Variants in LVRN observed in about 807,000 individuals in gnomAD.
The protein encoded by LVRN is laeverin, also known as aminopeptidase Q.
LVRN carries 99 observed loss-of-function variants against 111.4 expected under a neutral mutation model. That is an observed-to-expected ratio of 0.89 (90% CI 0.76 to 1.05). LVRN has a LOEUF of 1.05. Among genes scored for constraint, LVRN ranks in the 50% least tolerant of loss-of-function variants. The pLI, the probability that LVRN is intolerant of heterozygous loss-of-function variation, is 0.00. For missense variants in LVRN, 1,414 were observed against 1,206.8 expected (o/e 1.17, Z -2.54); for synonymous variants, 488 against 449.5 (o/e 1.09, Z -1.08).
chr5:115,988,801 A>G (rs1204184444), intron 4 of LVRN, among the ~76,000 whole-genome samples: 1 of 152,134 alleles, frequency 6.6e-6, no homozygotes, highest in Non-Finnish European at 1.5e-5. Context: ...AACACCTATC[A>G]CTCAGGGAGT....
chr5:115,989,830 G>A (rs1382727789), intron 4 of LVRN, among the ~76,000 whole-genome samples: 1 of 152,152 alleles, frequency 6.6e-6, no homozygotes, highest in African/African-American at 2.4e-5. Flanking sequence ...TTAAGATAAA[G>A]AGTTCCTCTA....
At chr5:116,007,790 G>A (rs1748408467) in intron 13 of LVRN, among the ~76,000 whole-genome samples, 2 of 152,160 alleles carry the variant, frequency 1.3e-5, no homozygotes, top group South Asian at 4.1e-4. Context: ...AGCAGCATGT[G>A]CTCATGTTAT....
chr5:115,996,391 T>G (rs1324363442), intron 6 of LVRN, among the ~76,000 whole-genome samples: 1 of 152,240 alleles, frequency 6.6e-6, no homozygotes, highest in African/African-American at 2.4e-5. Flanking sequence ...ATTAGTTTCT[T>G]AGCCACTCTT....
intron 6 of LVRN, among the ~76,000 whole-genome samples, chr5:115,996,408 AC>A (rs1748113697): frequency 6.6e-6 from 1 of 152,082 alleles, no homozygotes; most frequent in Non-Finnish European, 1.5e-5. Context: ...TCTTTTCTAT[AC>A]CTCTTAGTTG....
intron 18 of LVRN, among the ~76,000 whole-genome samples, chr5:116,018,250 C>T (rs1490638635): frequency 6.6e-6 from 1 of 152,130 alleles, no homozygotes; most frequent in Non-Finnish European, 1.5e-5. Flanking sequence ...GAATTAAACC[C>T]GTATCCCCTG....
intron 12 of LVRN, among the ~76,000 whole-genome samples, chr5:116,005,159 C>T (rs906726789): frequency 4.5e-4 from 68 of 152,240 alleles, no homozygotes; most frequent in African/African-American, 1.5e-3. Flanking sequence ...TTAGTACTGC[C>T]AGAAAAGAAA....
At chr5:115,968,034 G>A (rs73259338) in intron 1 of LVRN, among the ~76,000 whole-genome samples, 9,477 of 152,034 alleles carry the variant, frequency 0.062, 842 homozygotes, top group African/African-American at 0.2. Flanking sequence ...GTCAACAAAC[G>A]GAGACAGTTT....
At chr5:116,009,634 C>A (rs1373157716) in intron 13 of LVRN, among the ~76,000 whole-genome samples, 2 of 152,062 alleles carry the variant, frequency 1.3e-5, no homozygotes, top group African/African-American at 4.8e-5. Flanking sequence ...TCATTGGTGA[C>A]TTTAAGGGGT....
chr5:116,024,787 T>C (rs1201906174), intron 19 of LVRN, among the ~76,000 whole-genome samples: 1 of 152,140 alleles, frequency 6.6e-6, no homozygotes, highest in Non-Finnish European at 1.5e-5. Flanking sequence ...TATTGCAATT[T>C]AAAAAAATAT....
chr5:115,984,788 T>C, intron 3 of LVRN, 79 bp downstream of exon 3: 1 of 1,549,284 alleles, frequency 6.5e-7, no homozygotes, highest in Non-Finnish European at 8.8e-7. Context: ...CATCCAGTGG[T>C]TATGGCTGCA....
intron 17 of LVRN, 93 bp from the exon 18 acceptor site, chr5:116,015,530 TCACTA>T: frequency 6.7e-7 from 1 of 1,487,178 alleles, no homozygotes; most frequent in Non-Finnish European, 9.0e-7. Flanking sequence ...TATTTGTGCT[TCACTA>T]CCTTAGAACC....
chr5:115,997,711 T>C (rs537950754), intron 6 of LVRN, among the ~76,000 whole-genome samples: 12 of 152,306 alleles, frequency 7.9e-5, no homozygotes, highest in African/African-American at 2.6e-4. Flanking sequence ...ATATTGCAGC[T>C]TGTGGGACAA....
At chr5:115,995,114 T>C (rs946095255) in intron 6 of LVRN, among the ~76,000 whole-genome samples, 1 of 152,232 alleles carries the variant, frequency 6.6e-6, no homozygotes, top group Non-Finnish European at 1.5e-5. Flanking sequence ...CTGGATCTTC[T>C]TTACAGGCTA....
intron 1 of LVRN, among the ~76,000 whole-genome samples, chr5:115,979,465 C>T (rs1278653483): frequency 6.6e-6 from 1 of 152,074 alleles, no homozygotes; most frequent in Non-Finnish European, 1.5e-5. Context: ...CAAGAGATAG[C>T]TTCTCCAATC....
In LVRN at chr5:115,962,696, C is replaced by T. The variant is rs1753105284; in HGVS notation, c.79C>T (p.Leu27=). 6.2e-7 allele frequency: 1 copy of T among 1,611,094 alleles called. No individual in the cohort carries two copies. The highest frequency in any genetic ancestry group is 8.5e-7 in the Non-Finnish European group (1 of 1,179,538). The change falls in exon 1 of 20, where the codon CTG becomes TTG. Residue 27 remains leucine, a synonymous_variant. Transcript: ENST00000357872. ...GCTGGCTGGGCTGGTAGCCGCCCTC[C>T]TGCTGGCGCTGGCCGTACTCGCCGC... ...LLLAGLVAAL[L]LALAVLAALY...
Position 116,000,676 on chromosome 5 carries a change from T to G in LVRN, c.1647+18T>G. 1 of 1,611,786 alleles carries G rather than the reference T, an allele frequency of 6.2e-7. No individual in the cohort carries two copies. The highest frequency in any genetic ancestry group is 8.5e-7 in the Non-Finnish European group (1 of 1,178,288). On this transcript the variant is annotated intron_variant, in intron 9 of 19. Coordinates refer to ENST00000357872, the MANE Select transcript of LVRN (RefSeq NM_173800.5). ...TTCAAATGGTAATTGTCCTACTTTC[T>G]GACACATTCTTGCTGAGTTGTTTTG...
In LVRN at chr5:116,003,378, A is replaced by G; in HGVS notation, c.2035A>G (p.Lys679Glu). The change falls in exon 12 of 20, where the codon AAG (lysine) becomes GAG (glutamate). Residue 679 changes from lysine (K) to glutamate (E), a missense_variant and splice_region_variant. By Grantham distance (56) the Lys-to-Glu change is moderately conservative (BLOSUM62 1). Transcript: ENST00000357872. ...KLNQQLEKDP[K>E]AIPVIHRLQL... Reference sequence around the variant, plus strand: ...AAATCAACAACTTGAAAAGGATCCTAAGGTAAGGTTACTTTTGATACTTTT... The same window carrying G: ...AAATCAACAACTTGAAAAGGATCCTGAGGTAAGGTTACTTTTGATACTTTT... 1 of 1,436,940 alleles carries G rather than the reference A, an allele frequency of 7.0e-7. No individual in the cohort carries two copies. 89.0% of individuals were successfully genotyped at this position (1,436,940 alleles called of 1,614,324 possible).
Position 116,003,374 on chromosome 5 carries a change from T to C in LVRN, c.2031T>C (p.Asp677=). ...AACTAAATCAACAACTTGAAAAGGATCCTAAGGTAAGGTTACTTTTGATAC... is the reference window on the plus strand; with the variant it reads ...AACTAAATCAACAACTTGAAAAGGACCCTAAGGTAAGGTTACTTTTGATAC... ...WKKLNQQLEK[D]PKAIPVIHRL... is the part of the protein sequence containing the mutation. Residue 677 remains aspartate, a synonymous_variant, in exon 12 of 20, where the codon GAT becomes GAC. Coordinates refer to ENST00000357872, the MANE Select transcript of LVRN (RefSeq NM_173800.5). The C allele has an allele frequency of 1.4e-6, 2 of 1,446,488 alleles. No homozygotes were observed. Among genetic ancestry groups the C allele is most frequent in the Non-Finnish European group, 1.9e-6 (2 of 1,066,832 alleles). The allele number at this position is 1,446,488 out of a possible 1,614,324, so 89.6% of individuals were successfully genotyped here.
intron 15 of LVRN, among the ~76,000 whole-genome samples, chr5:116,013,687 A>C (rs952609274): frequency 2.6e-5 from 4 of 152,196 alleles, no homozygotes; most frequent in African/African-American, 7.2e-5. Flanking sequence ...ACGGAGTAAC[A>C]GAGATTTGGC....
Sources: gnomAD v4.1 joint callset for allele counts (sites outside exome capture counted in the v4.1 genomes callset) on GRCh38, gnomAD v4.1.1 for gene constraint, MANE v1.5 for transcripts, NCBI Gene and HGNC (gene_info 2026-07-23, HGNC 2026-07-21) for gene names.